KCNH8: variants seen among roughly 807,000 people sequenced by gnomAD.
KCNH8 encodes the protein potassium voltage-gated channel subfamily H member 8, also known as voltage-gated delayed rectifier potassium channel KCNH8.
A neutral mutation model predicts 103.6 loss-of-function variants in KCNH8; 70 were observed. That is an observed-to-expected ratio of 0.68 (90% confidence interval 0.56 to 0.82). KCNH8 has a LOEUF of 0.82. Among genes scored for constraint, KCNH8 ranks in the 40% least tolerant of loss-of-function variants. The pLI is 0.00. For missense variants in KCNH8, 1,217 were observed against 1,329.9 expected, an observed-to-expected ratio of 0.92 and a Z score of 1.32; for synonymous variants, 498 against 489.4, an observed-to-expected ratio of 1.02 and a Z score of -0.23.
intron 11 of KCNH8, among the ~76,000 whole-genome samples, chr3:19,503,778 T>C: frequency 2.4e-5 from 1 of 42,172 alleles, no homozygotes; most frequent in African/African-American, 9.7e-5. Flanking sequence ...GGGACTATTG[T>C]GGGGTAGGGG....
At chr3:19,355,747 G>A (rs771081747) in intron 5 of KCNH8, among the ~76,000 whole-genome samples, 22 of 152,180 alleles carry the variant, frequency 1.4e-4, no homozygotes, top group Non-Finnish European at 2.4e-4. Context: ...GTGGGGTTAG[G>A]TGAGAGGGAT....
intron 11 of KCNH8, among the ~76,000 whole-genome samples, chr3:19,500,789 A>G (rs1044232440): frequency 2.6e-5 from 4 of 152,208 alleles, no homozygotes; most frequent in Non-Finnish European, 5.9e-5. Flanking sequence ...TTGTGTGTAG[A>G]GGGAAATTTA....
intron 1 of KCNH8, among the ~76,000 whole-genome samples, chr3:19,164,632 A>G (rs944280263): frequency 4.6e-5 from 7 of 152,242 alleles, no homozygotes; most frequent in Non-Finnish European, 1.0e-4. Context: ...AGTGTAAGGC[A>G]TTAAATTTAT....
intron 5 of KCNH8, among the ~76,000 whole-genome samples, chr3:19,355,119 G>A (rs2065862391): frequency 6.6e-6 from 1 of 152,068 alleles, no homozygotes; most frequent in South Asian, 2.1e-4. Context: ...GCAGCCAACA[G>A]ACACATGAAA....
intron 1 of KCNH8, among the ~76,000 whole-genome samples, chr3:19,216,355 A>G (rs75472810): frequency 2.0e-5 from 3 of 152,234 alleles, no homozygotes; most frequent in South Asian, 2.1e-4. Flanking sequence ...GATGAAATTC[A>G]TGTGTATTTT....
At chr3:19,525,186 AATAT>A (rs970030340) in intron 15 of KCNH8, among the ~76,000 whole-genome samples, 9 of 151,890 alleles carry the variant, frequency 5.9e-5, no homozygotes, top group Admixed American at 5.3e-4. Context: ...ATATAACATA[AATAT>A]ATATTATTTT....
chr3:19,400,920 A>C (rs1176991305), intron 7 of KCNH8, among the ~76,000 whole-genome samples: 2 of 152,014 alleles, frequency 1.3e-5, no homozygotes, highest in Non-Finnish European at 2.9e-5. Flanking sequence ...CAGGGTTTAC[A>C]TAAAGAATTA....
At chr3:19,511,724 C>T (rs142079048) in intron 12 of KCNH8, among the ~76,000 whole-genome samples, 286 of 152,158 alleles carry the variant, frequency 1.9e-3, no homozygotes, top group Non-Finnish European at 3.3e-3. Context: ...AATAACCATA[C>T]GTATTTGGAA....
chr3:19,401,791 A>G (rs960123115), intron 7 of KCNH8, among the ~76,000 whole-genome samples: 2 of 151,912 alleles, frequency 1.3e-5, no homozygotes, highest in African/African-American at 4.8e-5. Context: ...GTATTTAAAG[A>G]TTATTGGGGC....
chr3:19,351,492 C>T (rs1310017322), intron 5 of KCNH8, among the ~76,000 whole-genome samples: 1 of 152,102 alleles, frequency 6.6e-6, no homozygotes, highest in African/African-American at 2.4e-5. Context: ...AGAGAAAGGT[C>T]GGGTTACCCA....
chr3:19,502,398 T>C (rs961185862), intron 11 of KCNH8, among the ~76,000 whole-genome samples: 1 of 151,012 alleles, frequency 6.6e-6, no homozygotes, highest in Non-Finnish European at 1.5e-5. Context: ...CCAATGACTT[T>C]CTTCACAGAA....
intron 1 of KCNH8, among the ~76,000 whole-genome samples, chr3:19,149,689 C>T (rs555253278): frequency 6.6e-6 from 1 of 152,288 alleles, no homozygotes; most frequent in South Asian, 2.1e-4. Context: ...TGTACTACCA[C>T]CCCTAACAAA....
chr3:19,447,445 C>G (rs373987774), intron 8 of KCNH8, among the ~76,000 whole-genome samples: 1 of 152,012 alleles, frequency 6.6e-6, no homozygotes, highest in Non-Finnish European at 1.5e-5. Context: ...TATTACTTCT[C>G]TTACTTTAAG....
chr3:19,379,225 G>A (rs1005846442), intron 5 of KCNH8, among the ~76,000 whole-genome samples: 6 of 152,214 alleles, frequency 3.9e-5, no homozygotes, highest in African/African-American at 1.4e-4. Context: ...TACATGACCA[G>A]TGGCAATCCT....
At chr3:19,279,917 C>T (rs2064734546) in intron 2 of KCNH8, among the ~76,000 whole-genome samples, 1 of 151,964 alleles carries the variant, frequency 6.6e-6, no homozygotes, top group South Asian at 2.1e-4. Flanking sequence ...ATATTTTTGT[C>T]TTATACCCTG....
chr3:19,371,756 A>C (rs1232128831), intron 5 of KCNH8, among the ~76,000 whole-genome samples: 1 of 50,204 alleles, frequency 2.0e-5, no homozygotes, highest in Non-Finnish European at 3.9e-5. Flanking sequence ...CTAACGTTTA[A>C]AGTCTTTAAT....
intron 7 of KCNH8, among the ~76,000 whole-genome samples, chr3:19,412,542 G>C (rs77123378): frequency 0.021 from 3,213 of 151,822 alleles, 155 homozygotes; most frequent in East Asian, 0.2. Context: ...ATTGACAAGT[G>C]GGACCCTATA....
intron 5 of KCNH8, among the ~76,000 whole-genome samples, chr3:19,385,959 T>G (rs559038790): frequency 7.7e-4 from 118 of 152,342 alleles, no homozygotes; most frequent in African/African-American, 2.5e-3. Flanking sequence ...GTATTTTAAT[T>G]TACTTTTTAA....
chr3:19,471,889 A>G (rs2067864207), intron 11 of KCNH8, among the ~76,000 whole-genome samples: 1 of 152,218 alleles, frequency 6.6e-6, no homozygotes, highest in African/African-American at 2.4e-5. Flanking sequence ...TTTCCATGGG[A>G]GAATCAGCTT....
Sources: allele counts gnomAD v4.1 joint callset (sites outside exome capture counted in the v4.1 genomes callset), GRCh38; gene constraint gnomAD v4.1.1; transcripts MANE v1.5; gene names NCBI Gene and HGNC (gene_info 2026-07-23, HGNC 2026-07-21).